Variants in MCFD2 observed in about 807,000 individuals in gnomAD.
MCFD2 encodes the protein multiple coagulation factor deficiency 2, ER cargo receptor complex subunit, also known as multiple coagulation factor deficiency protein 2.
A neutral mutation model predicts 12.8 loss-of-function variants in MCFD2; 11 were observed. The ratio of observed to expected loss-of-function variants is 0.86; its 90% CI spans 0.54 to 1.42. The LOEUF is 1.42. MCFD2 is among the 40% of genes most tolerant of loss of function. The probability of loss-of-function intolerance (pLI) is 0.00; values close to 1 mark genes in which losing one functional copy is unlikely to be tolerated. For missense variants in MCFD2, 191 were observed against 178.6 expected, an observed-to-expected ratio of 1.07 and a Z score of -0.40; for synonymous variants, 70 against 68.1, an observed-to-expected ratio of 1.03 and a Z score of -0.14.
chr2:46,903,541 A>G lies in MCFD2; in HGVS notation c.*1922T>C, dbSNP rs552125435. 1 of 152,398 alleles carries G rather than the reference A, an allele frequency of 6.6e-6. No homozygotes were observed. Among genetic ancestry groups the G allele is most frequent in the South Asian group, 2.1e-4 (1 of 4,828 alleles). 9.4% of individuals were successfully genotyped at this position (152,398 alleles called of 1,614,324 possible). On this transcript the variant is annotated 3_prime_UTR_variant, in exon 4 of 4. Coordinates refer to ENST00000319466, the MANE Select transcript of MCFD2 (RefSeq NM_139279.6). ...CTTTGCCCCAAATGCTGATAGCAAT[A>G]TGGACAACAAAGTCCAGGCTGAGGT...
At position 46,908,747 on chromosome 2, in the gene MCFD2, ATG is replaced by A. The variant is rs1668351693; in HGVS notation, c.149+274_149+275del. On this transcript the variant is annotated intron_variant, in intron 2 of 3. Coordinates refer to ENST00000319466, the MANE Select transcript of MCFD2 (RefSeq NM_139279.6). This position sits in a 1 kb window ranked among gnomAD's most constrained non-coding sequence, Gnocchi z 4.5. ...TATGTGTACCTGTGTGTCTATTTGT[ATG>A]TGTGTGTGTCTGTCTGTGGTGAAAA... 7 of 499,250 alleles carry A rather than the reference ATG, an allele frequency of 1.4e-5. No homozygotes were observed. The highest frequency in any genetic ancestry group is 3.7e-5 in the East Asian group (1 of 26,736). 30.9% of individuals were successfully genotyped at this position (499,250 alleles called of 1,614,324 possible). A position where few individuals can be genotyped will look rare whatever the true frequency, so the allele number is the denominator to read the frequency against.
chr2:46,912,094 G>A (rs1394064625), intron 1 of MCFD2, among the ~76,000 whole-genome samples: 1 of 152,142 alleles, frequency 6.6e-6, no homozygotes, highest in African/African-American at 2.4e-5. Flanking sequence ...CCAACACTTC[G>A]GGAGGCCGAG....
rs1218890238 is a variant in MCFD2, at chr2:46,904,631, A to G, written c.*832T>C. 1.3e-5 allele frequency: 2 copies of G among 152,156 alleles called. No homozygotes were observed. Among genetic ancestry groups the G allele is most frequent in the African/African-American group, 4.8e-5 (2 of 41,438 alleles). 9.4% of individuals were successfully genotyped at this position (152,156 alleles called of 1,614,324 possible). The stretch of plus-strand genomic sequence containing the variant: ...CCCTTTATTTTGGCCAATTTCTCCC[A>G]TTTGGAACAGCCGTCTTTAATCAAT... On this transcript the variant is annotated 3_prime_UTR_variant, in exon 4 of 4. Coordinates refer to ENST00000319466, the MANE Select transcript of MCFD2 (RefSeq NM_139279.6).
Position 46,941,577 on chromosome 2 carries a change from G to C in MCFD2, c.-13C>G, listed in dbSNP as rs1187105862. 6.4e-7 allele frequency: 1 copy of C among 1,557,656 alleles called. No homozygotes were observed. Among genetic ancestry groups the C allele is most frequent in the South Asian group, 1.2e-5 (1 of 84,492 alleles). ...AGGGCGCGCACGGCTCCTACCTGAA[G>C]GTGGAGAGCGAGCTGGAGCGCTGCC... On this transcript the variant is annotated 5_prime_UTR_variant, in exon 1 of 3. Coordinates refer to the MCFD2 transcript ENST00000409147. The surrounding 1 kb of genome is among the most constrained non-coding windows in gnomAD (Gnocchi z 4.2).
At chr2:46,918,049 T>C (rs1228367697), upstream of MCFD2, among the ~76,000 whole-genome samples, 3 of 152,200 alleles carry the variant, frequency 2.0e-5, no homozygotes, top group Admixed American at 1.3e-4. Context: ...CCAAAATATG[T>C]CTCTCTGACA....
intron 1 of MCFD2, among the ~76,000 whole-genome samples, chr2:46,930,764 T>A (rs1403930196): frequency 4.6e-5 from 7 of 152,088 alleles, no homozygotes; most frequent in Non-Finnish European, 7.4e-5. Context: ...CCTCCCAAAG[T>A]GCAGGGATTA....
At chr2:46,919,184 C>G (rs1240035657), upstream of MCFD2, among the ~76,000 whole-genome samples, 1 of 152,156 alleles carries the variant, frequency 6.6e-6, no homozygotes, top group African/African-American at 2.4e-5. Flanking sequence ...ATGTTGTAAA[C>G]TACATATTAC....
chr2:46,910,655 T>G (rs1037513842), intron 1 of MCFD2: 1 of 152,178 alleles, frequency 6.6e-6, no homozygotes, highest in African/African-American at 2.4e-5. Context: ...CTACAACACT[T>G]AGAAAAATTT....
At position 46,908,450 on chromosome 2, in the gene MCFD2, G is replaced by T. The variant is rs1036246284; in HGVS notation, c.150-481C>A. On this transcript the variant is annotated intron_variant, in intron 2 of 3. Transcript: ENST00000319466. The surrounding 1 kb of genome is among the most constrained non-coding windows in gnomAD (Gnocchi z 4.5). ...TAATTTTTTGCAATTTTTTAGTAGA[G>T]ACAGGTTTTCCCTATATTGCCTAGG... The T allele has an allele frequency of 3.0e-5, 8 of 268,826 alleles. No homozygotes were observed. The highest frequency in any genetic ancestry group is 5.8e-5 in the Non-Finnish European group (8 of 138,714). The allele number at this position is 268,826 out of a possible 1,614,324, so 16.7% of individuals were successfully genotyped here. A position where few individuals can be genotyped will look rare whatever the true frequency, so the allele number is the denominator to read the frequency against.
At chr2:46,938,029 C>G (rs1432548564) in intron 1 of MCFD2, among the ~76,000 whole-genome samples, 1 of 152,008 alleles carries the variant, frequency 6.6e-6, no homozygotes, top group Non-Finnish European at 1.5e-5. Context: ...GGTGATGGGA[C>G]TCTTTTCTCT....
Position 46,901,992 on chromosome 2 carries a change from C to G in MCFD2, c.*3471G>C, listed in dbSNP as rs1203733603. ...CAGCTCTGACTGCACAAATACTTGACACAGGAAACCATTTTTACAAATACA... is the reference window on the plus strand; with the variant it reads ...CAGCTCTGACTGCACAAATACTTGAGACAGGAAACCATTTTTACAAATACA... On this transcript the variant is annotated 3_prime_UTR_variant, in exon 4 of 4. Transcript: ENST00000319466. This position sits in a 1 kb window ranked among gnomAD's most constrained non-coding sequence, Gnocchi z 4.3. 1 of 152,644 alleles carries G rather than the reference C, an allele frequency of 6.6e-6. No individual in the cohort carries two copies. Among genetic ancestry groups the G allele is most frequent in the Non-Finnish European group, 1.5e-5 (1 of 68,044 alleles). The allele number at this position is 152,644 out of a possible 1,614,324, so 9.5% of individuals were successfully genotyped here.
chr2:46,905,615 A>T lies in MCFD2; in HGVS notation c.310-21T>A, dbSNP rs758996375. 4 of 1,610,614 alleles carry T rather than the reference A, an allele frequency of 2.5e-6. No homozygotes were observed. In the South Asian group the frequency reaches 4.4e-5, roughly 18 times the overall value. Reference sequence around the variant, plus strand: ...CCTTCCTACAAAATACAAATTAGACAATGATGAGTTGCGCATTTTACCGGA... The same window carrying T: ...CCTTCCTACAAAATACAAATTAGACTATGATGAGTTGCGCATTTTACCGGA... On this transcript the variant is annotated intron_variant, in intron 3 of 3. Transcript: ENST00000319466.
intron 3 of MCFD2, among the ~76,000 whole-genome samples, chr2:46,906,723 A>G (rs1668255584): frequency 6.6e-6 from 1 of 152,082 alleles, no homozygotes; most frequent in Non-Finnish European, 1.5e-5. Context: ...CCTGGGCTCA[A>G]GCGATCCTCC....
rs919068837 is a variant in MCFD2 at position 46,904,710 on chromosome 2, G to C, written c.*753C>G. ...TAACTAGCTTGCTTTTGATTTTACAGGCTCATAGGTGGAAGGGACTTGCCT... is the reference window on the plus strand; with the variant it reads ...TAACTAGCTTGCTTTTGATTTTACACGCTCATAGGTGGAAGGGACTTGCCT... On this transcript the variant is annotated 3_prime_UTR_variant, in exon 4 of 4. Transcript: ENST00000319466. The C allele has an allele frequency of 1.3e-5, 2 of 152,430 alleles. No individual in the cohort carries two copies. The highest frequency in any genetic ancestry group is 4.8e-5 in the African/African-American group (2 of 41,432). The allele number at this position is 152,430 out of a possible 1,614,324, so 9.4% of individuals were successfully genotyped here.
In MCFD2 at chr2:46,908,814, T is replaced by G. The variant is rs1308334942; in HGVS notation, c.149+209A>C. On this transcript the variant is annotated intron_variant, in intron 2 of 3. Coordinates refer to ENST00000319466, the MANE Select transcript of MCFD2 (RefSeq NM_139279.6). This position sits in a 1 kb window ranked among gnomAD's most constrained non-coding sequence, Gnocchi z 4.5. ...ATTCAGACAAGTAATGTGCCCCATTTGGGCCTAAAGATCTTCCACCTGTGA... is the reference window on the plus strand; with the variant it reads ...ATTCAGACAAGTAATGTGCCCCATTGGGGCCTAAAGATCTTCCACCTGTGA... The G allele has an allele frequency of 4.7e-6, 3 of 642,152 alleles. No individual in the cohort carries two copies. The highest frequency in any genetic ancestry group is 8.1e-6 in the Non-Finnish European group (3 of 370,960). 39.8% of individuals were successfully genotyped at this position (642,152 alleles called of 1,614,324 possible).
chr2:46,928,254 C>A (rs560235945), intron 1 of MCFD2, among the ~76,000 whole-genome samples: 1 of 151,714 alleles, frequency 6.6e-6, no homozygotes, highest in South Asian at 2.1e-4. Context: ...AAAATAACAC[C>A]CATTTATCAT....
At chr2:46,917,073 A>G (rs897887296), upstream of MCFD2, 2 of 660,488 alleles carry the variant, frequency 3.0e-6, no homozygotes, top group Admixed American at 2.4e-5. Context: ...GCCTAACGCC[A>G]CTGCCATTGA....
At chr2:46,915,806 G>GGGGGGGGGGGGC, upstream of MCFD2, 2 of 512,576 alleles carry the variant, frequency 3.9e-6, no homozygotes, top group Non-Finnish European at 4.3e-6. Context: ...CCTCGGCTTC[G>GGGGGGGGGGGGC]CCCCGCCCCC....
At chr2:46,921,426 C>A (rs190815723) in intron 1 of MCFD2, among the ~76,000 whole-genome samples, 3 of 152,256 alleles carry the variant, frequency 2.0e-5, no homozygotes, top group Admixed American at 2.0e-4. Context: ...ATGAAATACT[C>A]AGGGGCAAGT....
Sources: allele counts gnomAD v4.1 joint callset (sites outside exome capture counted in the v4.1 genomes callset), GRCh38; gene constraint gnomAD v4.1.1; non-coding constraint Gnocchi (gnomAD v3.1); transcripts MANE v1.5; gene names NCBI Gene and HGNC (gene_info 2026-07-23, HGNC 2026-07-21).